CDH13: variants seen among roughly 807,000 people sequenced by gnomAD.
CDH13 encodes cadherin 13, also known as cadherin-13.
In CDH13, 24 loss-of-function variants were observed where a neutral mutation model predicts 63.8. That is an observed-to-expected ratio of 0.38 (90% CI 0.27 to 0.53). CDH13 has a LOEUF of 0.53. Among genes scored for constraint, CDH13 ranks in the 20% least tolerant of loss-of-function variants. The probability of loss-of-function intolerance (pLI) is 0.85; values close to 1 mark genes in which losing one functional copy is unlikely to be tolerated. For missense variants in CDH13, 1,049 were observed against 903.1 expected (o/e 1.16, Z -2.07); for synonymous variants, 503 against 355.3 (o/e 1.42, Z -4.67).
chr16:83,384,530 T>C (rs897267670), intron 6 of CDH13, among the ~76,000 whole-genome samples: 6 of 152,168 alleles, frequency 3.9e-5, no homozygotes, highest in Non-Finnish European at 7.3e-5. Context: ...CCCAAGGGCA[T>C]AGAAGCATCA....
intron 5 of CDH13, among the ~76,000 whole-genome samples, chr16:83,321,336 G>A (rs1452133935): frequency 1.3e-5 from 2 of 152,138 alleles, no homozygotes; most frequent in East Asian, 1.9e-4. Flanking sequence ...GAATTAATTA[G>A]TATCACAGCA....
chr16:83,602,950 C>G (rs567231299), intron 8 of CDH13, among the ~76,000 whole-genome samples: 10 of 152,096 alleles, frequency 6.6e-5, no homozygotes, highest in Non-Finnish European at 1.3e-4. Flanking sequence ...TTTTTTCCAG[C>G]AAGTGCAGAT....
chr16:83,114,882 T>A (rs1203760632), intron 3 of CDH13, among the ~76,000 whole-genome samples: 1 of 152,214 alleles, frequency 6.6e-6, no homozygotes, highest in Admixed American at 6.5e-5. Context: ...ACTGTCCTCC[T>A]AGCAACTTTG....
intron 11 of CDH13, among the ~76,000 whole-genome samples, chr16:83,753,759 G>C (rs1417599480): frequency 6.6e-6 from 1 of 151,952 alleles, no homozygotes; most frequent in Non-Finnish European, 1.5e-5. Context: ...TAAAATATAT[G>C]GCTTCGGGAA....
chr16:83,679,782 T>C (rs970925782), intron 10 of CDH13, among the ~76,000 whole-genome samples: 2 of 152,252 alleles, frequency 1.3e-5, no homozygotes, highest in African/African-American at 2.4e-5. Context: ...AAGTGTCATC[T>C]TGTATTTCTA....
chr16:83,113,597 G>A (rs1334080268), intron 3 of CDH13, among the ~76,000 whole-genome samples: 1 of 152,196 alleles, frequency 6.6e-6, no homozygotes, highest in African/African-American at 2.4e-5. Flanking sequence ...CTGAATGAAC[G>A]TGTGATCAGA....
intron 11 of CDH13, among the ~76,000 whole-genome samples, chr16:83,778,122 T>A (rs1410183119): frequency 1.4e-4 from 22 of 152,250 alleles, no homozygotes; most frequent in Admixed American, 1.4e-3. Flanking sequence ...TAGAAACTAC[T>A]AACAAATGGT....
chr16:82,948,917 A>G (rs2151320098), intron 2 of CDH13, among the ~76,000 whole-genome samples: 1 of 152,330 alleles, frequency 6.6e-6, no homozygotes, highest in South Asian at 2.1e-4. Flanking sequence ...CTTTCGTGAT[A>G]TATATCTGGT....
chr16:82,803,785 A>C (rs890910610), intron 1 of CDH13, among the ~76,000 whole-genome samples: 2 of 152,218 alleles, frequency 1.3e-5, no homozygotes, highest in Admixed American at 6.5e-5. Flanking sequence ...AGACTAATAG[A>C]AGCAGAGTAG....
At chr16:83,433,045 C>G (rs762468293) in intron 6 of CDH13, among the ~76,000 whole-genome samples, 1 of 152,178 alleles carries the variant, frequency 6.6e-6, no homozygotes, top group Non-Finnish European at 1.5e-5. Flanking sequence ...TTCCAGCTCC[C>G]TTGGCTCTCT....
chr16:82,995,147 A>G (rs899811425), intron 2 of CDH13, among the ~76,000 whole-genome samples: 1 of 152,198 alleles, frequency 6.6e-6, no homozygotes, highest in Non-Finnish European at 1.5e-5. Context: ...TGGCTCAGGG[A>G]TGGAGAGACC....
At chr16:83,209,413 G>A (rs1234331394) in intron 4 of CDH13, among the ~76,000 whole-genome samples, 3 of 152,156 alleles carry the variant, frequency 2.0e-5, no homozygotes, top group Admixed American at 6.5e-5. Flanking sequence ...GTCATTTTCA[G>A]GGTATGCATA....
intron 11 of CDH13, among the ~76,000 whole-genome samples, chr16:83,753,960 TC>T (rs902131345): frequency 8.6e-5 from 13 of 151,942 alleles, no homozygotes; most frequent in Non-Finnish European, 1.9e-4. Context: ...CCTTTTTTTT[TC>T]TCTGGGTGCA....
At chr16:83,668,763 C>G (rs968741696) in intron 8 of CDH13, among the ~76,000 whole-genome samples, 1 of 152,146 alleles carries the variant, frequency 6.6e-6, no homozygotes, top group South Asian at 2.1e-4. Flanking sequence ...TTCCTTCTTC[C>G]TTCCTTCCTT....
At chr16:83,412,934 T>C (rs12597752) in intron 6 of CDH13, among the ~76,000 whole-genome samples, 4,534 of 152,340 alleles carry the variant, frequency 0.03, 85 homozygotes, top group East Asian at 0.12. Flanking sequence ...AACTGTGTTG[T>C]ATTACCATTA....
intron 7 of CDH13, among the ~76,000 whole-genome samples, chr16:83,491,881 T>C (rs1449353843): frequency 6.6e-6 from 1 of 152,198 alleles, no homozygotes; most frequent in African/African-American, 2.4e-5. Context: ...TTAGGCCAGA[T>C]GTAAAAATGG....
In CDH13 at chr16:83,800,191, T is replaced by C. The variant is rs1315799200; in HGVS notation, c.*5161T>C. ...GAGGGAGGTTTTCACTCTGAAGCTATGAAGATTTGGAGAAAGGGGCTTATA... is the reference window on the plus strand; with the variant it reads ...GAGGGAGGTTTTCACTCTGAAGCTACGAAGATTTGGAGAAAGGGGCTTATA... On this transcript the variant is annotated 3_prime_UTR_variant, in exon 14 of 14. Coordinates refer to ENST00000567109, the MANE Select transcript of CDH13 (RefSeq NM_001257.5). The C allele has an allele frequency of 6.6e-6, 1 of 151,340 alleles. No individual in the cohort carries two copies. Among genetic ancestry groups the C allele is most frequent in the Non-Finnish European group, 1.5e-5 (1 of 67,746 alleles). The allele number at this position is 151,340 out of a possible 1,614,324, so 9.4% of individuals were successfully genotyped here. A position where few individuals can be genotyped will look rare whatever the true frequency, so the allele number is the denominator to read the frequency against.
chr16:83,715,231 G>C (rs558015139), intron 10 of CDH13, among the ~76,000 whole-genome samples: 1 of 152,162 alleles, frequency 6.6e-6, no homozygotes, highest in Non-Finnish European at 1.5e-5. Context: ...ACATAGTGCA[G>C]AGTTACTTAT....
chr16:83,057,341 G>A (rs1333165161), intron 3 of CDH13, among the ~76,000 whole-genome samples: 2 of 152,070 alleles, frequency 1.3e-5, no homozygotes, highest in Non-Finnish European at 2.9e-5. Flanking sequence ...TGACTGGAAG[G>A]GGCCTGAGGG....
Sources: allele counts gnomAD v4.1 joint callset (sites outside exome capture counted in the v4.1 genomes callset), GRCh38; gene constraint gnomAD v4.1.1; transcripts MANE v1.5; gene names NCBI Gene and HGNC (gene_info 2026-07-23, HGNC 2026-07-21).